Variants in ARHGEF3 observed in about 807,000 individuals in gnomAD.
The protein encoded by ARHGEF3 is 59.8 kDA protein.
In ARHGEF3, 28 loss-of-function variants were observed where a neutral mutation model predicts 63.2. The observed-to-expected ratio is 0.44, with a 90% CI of 0.33 to 0.61. ARHGEF3 has a LOEUF of 0.61. ARHGEF3 is among the 20% of genes least tolerant of loss of function. The pLI is 0.03. For synonymous variants in ARHGEF3, 266 were observed against 254.2 expected, an observed-to-expected ratio of 1.05 and a Z score of -0.44; for missense variants, 533 against 659.3, an observed-to-expected ratio of 0.81 and a Z score of 2.10.
chr3:56,907,886 CAG>C (rs2041742938), intron 3 of ARHGEF3, among the ~76,000 whole-genome samples: 1 of 152,046 alleles, frequency 6.6e-6, no homozygotes, highest in Non-Finnish European at 1.5e-5. Context: ...GGTGGGAGGA[CAG>C]GGAGGATTGG....
chr3:56,990,373 C>G (rs1701703033), intron 2 of ARHGEF3, among the ~76,000 whole-genome samples: 1 of 152,198 alleles, frequency 6.6e-6, no homozygotes, highest in Non-Finnish European at 1.5e-5. Context: ...CACTTGAGGT[C>G]AAGAGTTCGA....
At position 56,837,640 on chromosome 3, in the gene ARHGEF3, A is replaced by G. The variant is rs550053780; in HGVS notation, c.192+44652T>C. On this transcript the variant is annotated intron_variant, in intron 4 of 12. Coordinates refer to the ARHGEF3 transcript ENST00000338458. ...GCCTGTGGAAGCTTGCCTCCTTGTAAACCCTCCACTCCAAGGCCATGCCTT... is the reference window on the plus strand; with the variant it reads ...GCCTGTGGAAGCTTGCCTCCTTGTAGACCCTCCACTCCAAGGCCATGCCTT... Among the ~76,000 whole-genome samples, 9 of 152,288 alleles carry G rather than the reference A, an allele frequency of 5.9e-5. No individual in the cohort carries two copies. In the South Asian group the frequency reaches 1.9e-3, roughly 32 times the overall value.
At chr3:57,045,363 G>C (rs1327373078) in intron 1 of ARHGEF3, among the ~76,000 whole-genome samples, 1 of 152,198 alleles carries the variant, frequency 6.6e-6, no homozygotes, top group Admixed American at 6.5e-5. Context: ...TGTTTTTGTT[G>C]ATGGACAGAG....
At position 56,815,358 on chromosome 3, in the gene ARHGEF3, T is replaced by C. The variant is rs1031288606; in HGVS notation, c.193-41542A>G. Among the ~76,000 whole-genome samples the C allele has an allele frequency of 2.0e-5, 3 of 152,174 alleles. No homozygotes were observed. In the East Asian group the frequency reaches 5.8e-4, roughly 29 times the overall value. ...GGAGTATTATCTTGATTTTATGCTA[T>C]TTAATTTCAGGAAAGCTTTCAAATA... On this transcript the variant is annotated intron_variant, in intron 4 of 12. Coordinates refer to the ARHGEF3 transcript ENST00000338458.
chr3:56,922,726 T>C (rs2042175555), intron 3 of ARHGEF3, among the ~76,000 whole-genome samples: 1 of 152,160 alleles, frequency 6.6e-6, no homozygotes, highest in South Asian at 2.1e-4. Context: ...TAAATTAATA[T>C]TTGGGCTCTG....
At chr3:57,046,381 C>T (rs1277839402) in intron 1 of ARHGEF3, among the ~76,000 whole-genome samples, 5 of 152,288 alleles carry the variant, frequency 3.3e-5, no homozygotes, top group Admixed American at 1.3e-4. Context: ...GGTTCTGGCA[C>T]CTGAGTAAAT....
chr3:56,867,487 T>TTTA (rs1560006713), intron 4 of ARHGEF3, among the ~76,000 whole-genome samples: 4 of 146,200 alleles, frequency 2.7e-5, no homozygotes, highest in African/African-American at 1.1e-4. Context: ...TTATTTATTT[T>TTTA]TTTGAGACAA....
At chr3:56,936,387 CA>C (rs1423729461) in intron 3 of ARHGEF3, among the ~76,000 whole-genome samples, 1 of 152,154 alleles carries the variant, frequency 6.6e-6, no homozygotes, top group African/African-American at 2.4e-5. Flanking sequence ...GGTAATGGAG[CA>C]AGTGCCTATT....
At chr3:56,825,303 T>A (rs1578612179) in intron 4 of ARHGEF3, among the ~76,000 whole-genome samples, 1 of 152,352 alleles carries the variant, frequency 6.6e-6, no homozygotes, top group East Asian at 1.9e-4. Flanking sequence ...GCCACATTCT[T>A]CACAAGCTAT....
chr3:56,784,461 A>C (rs1014641375), intron 1 of ARHGEF3, among the ~76,000 whole-genome samples: 3 of 152,176 alleles, frequency 2.0e-5, no homozygotes, highest in Non-Finnish European at 2.9e-5. Flanking sequence ...GAGGTAGAAA[A>C]GATCTCCTGG....
chr3:57,015,897 C>A (rs947998433), intron 2 of ARHGEF3, among the ~76,000 whole-genome samples: 1 of 152,034 alleles, frequency 6.6e-6, no homozygotes, highest in Non-Finnish European at 1.5e-5. Context: ...TTGTTCCCAC[C>A]AATTCCCAAG....
At chr3:57,011,148 G>C (rs1226570327) in intron 2 of ARHGEF3, among the ~76,000 whole-genome samples, 2 of 152,184 alleles carry the variant, frequency 1.3e-5, no homozygotes, top group African/African-American at 2.4e-5. Context: ...GTGAAACTGG[G>C]ACCGGAATGC....
intron 4 of ARHGEF3, among the ~76,000 whole-genome samples, chr3:56,859,092 T>C (rs1193369638): frequency 5.3e-5 from 8 of 152,318 alleles, no homozygotes; most frequent in Admixed American, 3.9e-4. Flanking sequence ...ATTTTTATCA[T>C]GGACATTGTT....
At chr3:56,841,718 G>A (rs1416008506) in intron 4 of ARHGEF3, among the ~76,000 whole-genome samples, 3 of 152,028 alleles carry the variant, frequency 2.0e-5, no homozygotes, top group African/African-American at 7.2e-5. Context: ...GTGATTCCAT[G>A]CTTTACCTTT....
intron 4 of ARHGEF3, among the ~76,000 whole-genome samples, chr3:56,822,956 T>G (rs1205178456): frequency 6.6e-6 from 1 of 151,876 alleles, no homozygotes; most frequent in Admixed American, 6.6e-5. Flanking sequence ...GGAACTGAGG[T>G]GCACACAGCT....
chr3:57,047,525 G>A (rs2318007), intron 1 of ARHGEF3, among the ~76,000 whole-genome samples: 137,322 of 152,198 alleles, frequency 0.9, 63,601 homozygotes, highest in East Asian at 1. Flanking sequence ...AGCAGGGGTC[G>A]TAATGGTGTC....
intron 2 of ARHGEF3, among the ~76,000 whole-genome samples, chr3:56,977,825 T>C (rs1413762849): frequency 6.6e-6 from 1 of 152,166 alleles, no homozygotes; most frequent in Non-Finnish European, 1.5e-5. Context: ...GTTTTACACC[T>C]CACAGAGCTG....
intron 2 of ARHGEF3, among the ~76,000 whole-genome samples, chr3:56,992,578 T>C (rs1462558939): frequency 2.0e-5 from 3 of 151,954 alleles, no homozygotes; most frequent in African/African-American, 7.3e-5. Flanking sequence ...ATGCCATCCT[T>C]CAGTCATCAG....
chr3:56,839,079 C>T (rs1559982449), intron 4 of ARHGEF3, among the ~76,000 whole-genome samples: 1 of 151,976 alleles, frequency 6.6e-6, no homozygotes, highest in African/African-American at 2.4e-5. Flanking sequence ...TTCAAGGCAG[C>T]AGTGAGCTGT....
Sources: allele counts gnomAD v4.1 joint callset (sites outside exome capture counted in the v4.1 genomes callset), GRCh38; gene constraint gnomAD v4.1.1; transcripts MANE v1.5; gene names NCBI Gene and HGNC (gene_info 2026-07-23, HGNC 2026-07-21).